Variants in ATP13A3 observed in about 807,000 individuals in gnomAD.
ATP13A3 encodes the protein polyamine-transporting ATPase 13A3.
ATP13A3 carries 59 observed loss-of-function variants against 158.1 expected under a neutral mutation model. The observed-to-expected ratio is 0.37, with a 90% CI of 0.30 to 0.46. The LOEUF (loss-of-function observed/expected upper bound fraction) is 0.46, where lower values mean the gene tolerates loss of function less well. Ranked by LOEUF, ATP13A3 falls within the 20% of genes least tolerant of loss-of-function variation. The pLI, the probability that ATP13A3 is intolerant of heterozygous loss-of-function variation, is 1.00. For missense variants in ATP13A3, 1,166 were observed against 1,525.2 expected, an observed-to-expected ratio of 0.76 and a Z score of 3.92; for synonymous variants, 491 against 504.3, an observed-to-expected ratio of 0.97 and a Z score of 0.35.
At chr3:194,423,940 T>C (rs1362625997) in intron 30 of ATP13A3, among the ~76,000 whole-genome samples, 1 of 143,692 alleles carries the variant, frequency 7.0e-6, no homozygotes, top group African/African-American at 2.5e-5. Flanking sequence ...TTCTTCAAAT[T>C]AAAAAAAAAA....
At chr3:194,412,117 A>C in intron 33 of ATP13A3, 82 bp downstream of exon 33, 1 of 1,136,420 alleles carries the variant, frequency 8.8e-7, no homozygotes, top group Non-Finnish European at 1.3e-6. Flanking sequence ...TAACAGAACA[A>C]GAACACGCTA....
In ATP13A3 at chr3:194,405,945, A is replaced by T. The variant is rs1714896731; in HGVS notation, c.3745T>A (p.Ser1249Thr). 5 of 1,614,120 alleles carry T rather than the reference A, an allele frequency of 3.1e-6. No homozygotes were observed. The highest frequency in any genetic ancestry group is 4.2e-6 in the Non-Finnish European group (5 of 1,180,014). The change falls in exon 34 of 34, where the codon TCA becomes ACA. Residue 1249 changes from serine (S) to threonine (T), a missense_variant. Ser to Thr is a moderately conservative substitution (Grantham distance 58, BLOSUM62 1). Transcript: ENST00000645319. ...EAKALVKENG[S>T]CQIITIT ...TATGTTATGGTGATGATTTGACATG[A>T]TCCATTCTCCTTAACTAAAGCTTTA...
In ATP13A3 at chr3:194,406,031, A is replaced by T; in HGVS notation, c.3659T>A (p.Leu1220Gln). ...KKTPKAKYMY[L>Q]AQELLVDPEW... ...TGGATCAACCAAGAGCTCCTGCGCC[A>T]GATACATGTACTTTGCCTTTGGTGT... The change falls in exon 34 of 34, where the codon CTG becomes CAG. Residue 1220 changes from leucine to glutamine, a missense_variant. Physicochemically the swap from Leu to Gln is moderately radical, Grantham distance 113. Coordinates refer to ENST00000645319, the MANE Select transcript of ATP13A3 (RefSeq NM_001367549.1). 1.9e-6 allele frequency: 3 copies of T among 1,614,220 alleles called. No individual in the cohort carries two copies. The highest frequency in any genetic ancestry group is 2.5e-6 in the Non-Finnish European group (3 of 1,180,040).
chr3:194,459,358 GA>G, intron 6 of ATP13A3, 112 bp downstream of exon 6: 1 of 763,842 alleles, frequency 1.3e-6, no homozygotes, highest in Non-Finnish European at 2.2e-6. Context: ...TACGTGAATA[GA>G]AATTATAAAA....
intron 1 of ATP13A3, among the ~76,000 whole-genome samples, chr3:194,486,323 A>T (rs11918221): frequency 0.16 from 24,641 of 151,184 alleles, 3,568 homozygotes; most frequent in African/African-American, 0.39. Flanking sequence ...ACTACCAACC[A>T]CCAAGCGCCC....
chr3:194,421,024 A>G (rs181167002), intron 30 of ATP13A3, among the ~76,000 whole-genome samples: 1 of 143,148 alleles, frequency 7.0e-6, no homozygotes, highest in Non-Finnish European at 1.5e-5. Context: ...AACTTTGTTA[A>G]TATCAATTCA....
chr3:194,421,321 A>T (rs1389873290), intron 30 of ATP13A3, among the ~76,000 whole-genome samples: 1 of 147,064 alleles, frequency 6.8e-6, no homozygotes, highest in African/African-American at 2.5e-5. Context: ...TGGGAGGCCG[A>T]GGCGGGCGGA....
intron 31 of ATP13A3, among the ~76,000 whole-genome samples, chr3:194,416,762 T>C (rs534043150): frequency 1.3e-5 from 2 of 152,324 alleles, no homozygotes; most frequent in African/African-American, 4.8e-5. Context: ...TTATATATGA[T>C]GCCTGTCTAA....
At position 194,441,526 on chromosome 3, in the gene ATP13A3, G is replaced by C. The variant is rs886449910; in HGVS notation, c.1560-65C>G. ...AGATTCAAGATAATATTCTAACAGG[G>C]CTTTTCTGGTTTTGTAATTAAAAAA... On this transcript the variant is annotated intron_variant, in intron 15 of 33. Transcript: ENST00000645319. 124 of 1,414,074 alleles carry C rather than the reference G, an allele frequency of 8.8e-5. No individual in the cohort carries two copies. In the East Asian group the frequency reaches 1.6e-3, roughly 18 times the overall value. The allele number at this position is 1,414,074 out of a possible 1,614,324, so 87.6% of individuals were successfully genotyped here.
At chr3:194,455,794 T>C in intron 8 of ATP13A3, 99 bp downstream of exon 8, 1 of 796,732 alleles carries the variant, frequency 1.3e-6, no homozygotes, top group African/African-American at 1.8e-5. Context: ...AAAAAGAGGT[T>C]AGGAAAAAGA....
chr3:194,449,043 C>CA (rs1718603053), intron 11 of ATP13A3, among the ~76,000 whole-genome samples: 1 of 114,076 alleles, frequency 8.8e-6, no homozygotes, highest in Non-Finnish European at 1.8e-5. Context: ...CGATCCACCC[C>CA]TACACACACA....
chr3:194,465,960 C>G (rs1211763371), intron 2 of ATP13A3, among the ~76,000 whole-genome samples: 2 of 150,796 alleles, frequency 1.3e-5, no homozygotes, highest in Non-Finnish European at 2.9e-5. Flanking sequence ...CCAGCCTAGG[C>G]AACACAGTGA....
intron 2 of ATP13A3, among the ~76,000 whole-genome samples, chr3:194,471,625 A>G (rs1414094762): frequency 6.6e-6 from 1 of 152,232 alleles, no homozygotes; most frequent in Non-Finnish European, 1.5e-5. Flanking sequence ...AAGTGCTGGG[A>G]TTACAGGCGT....
rs140649987 is a variant in ATP13A3, at chr3:194,482,131, G to A, written c.-47+3663C>T. On this transcript the variant is annotated intron_variant, in intron 2 of 33. Transcript: ENST00000645319. ...TTTGGACAGTTCTCTCCTTTATTCC[G>A]TTTTTCTCCCTTCTTACTGATTACC... 2.9e-3 allele frequency among the ~76,000 whole-genome samples: 445 copies of A among 152,150 alleles called. 1 individual carries two copies. Among genetic ancestry groups the A allele is most frequent in the African/African-American group, 0.01 (422 of 41,510 alleles).
At position 194,486,610 on chromosome 3, in the gene ATP13A3, T is replaced by A. The variant is rs1720990021; in HGVS notation, c.-133A>T. 2 of 146,934 alleles carry A rather than the reference T, an allele frequency of 1.4e-5. No individual in the cohort carries two copies. The highest frequency in any genetic ancestry group is 5.0e-5 in the African/African-American group (2 of 40,232). The allele number at this position is 146,934 out of a possible 1,614,324, so 9.1% of individuals were successfully genotyped here. A position where few individuals can be genotyped will look rare whatever the true frequency, so the allele number is the denominator to read the frequency against. ...CCGCCGCGCCGCCTCCTCCGCGGCCTCCCTCGCGGCCGGACCAGCCCCAGG... is the reference window on the plus strand; with the variant it reads ...CCGCCGCGCCGCCTCCTCCGCGGCCACCCTCGCGGCCGGACCAGCCCCAGG... On this transcript the variant is annotated 5_prime_UTR_variant, in exon 1 of 34. Transcript: ENST00000645319.
intron 15 of ATP13A3, among the ~76,000 whole-genome samples, chr3:194,444,144 A>T (rs1718234430): frequency 6.6e-6 from 1 of 152,224 alleles, no homozygotes; most frequent in Non-Finnish European, 1.5e-5. Flanking sequence ...TGCCCATGCT[A>T]CGGCCCAGCC....
chr3:194,466,539 C>G (rs1324953935), intron 2 of ATP13A3, among the ~76,000 whole-genome samples: 1 of 152,030 alleles, frequency 6.6e-6, no homozygotes, highest in Non-Finnish European at 1.5e-5. Context: ...ATTAAAAAAC[C>G]CATCTTTATT....
Position 194,453,716 on chromosome 3 carries a change from T to A in ATP13A3, c.828A>T (p.Arg276Ser). 3 of 1,611,686 alleles carry A rather than the reference T, an allele frequency of 1.9e-6. No individual in the cohort carries two copies. Among genetic ancestry groups the A allele is most frequent in the Non-Finnish European group, 2.5e-6 (3 of 1,177,880 alleles). Residue 276 changes from arginine (R) to serine (S), a missense_variant, in exon 10 of 34, where the codon AGA becomes AGT. By Grantham distance (110) the Arg-to-Ser change is moderately radical. Coordinates refer to ENST00000645319, the MANE Select transcript of ATP13A3 (RefSeq NM_001367549.1). ...THSTVRVSVC[R>S]VNEEIEEIFS... ...CATTCAATTACTTACCTTCATTTACTCTACAAACTGAAACTCTTACGGTAC... is the reference window on the plus strand; with the variant it reads ...CATTCAATTACTTACCTTCATTTACACTACAAACTGAAACTCTTACGGTAC...
intron 15 of ATP13A3, among the ~76,000 whole-genome samples, chr3:194,442,426 C>A (rs1233269728): frequency 6.6e-6 from 1 of 151,998 alleles, no homozygotes; most frequent in East Asian, 1.9e-4. Context: ...AGCGAGACAC[C>A]CATACCAATT....
Sources: gnomAD v4.1 joint callset for allele counts (sites outside exome capture counted in the v4.1 genomes callset) on GRCh38, gnomAD v4.1.1 for gene constraint, MANE v1.5 for transcripts, NCBI Gene and HGNC (gene_info 2026-07-23, HGNC 2026-07-21) for gene names.